Variants in KIF21A observed in about 807,000 individuals in gnomAD.
KIF21A encodes kinesin family member 21A.
KIF21A carries 114 observed loss-of-function variants against 202.9 expected under a neutral mutation model. The ratio of observed to expected loss-of-function variants is 0.56; its 90% confidence interval spans 0.48 to 0.66. KIF21A has a LOEUF of 0.66. Ranked by LOEUF, KIF21A falls within the 30% of genes least tolerant of loss-of-function variation. The pLI is 0.00. For missense variants in KIF21A, 1,677 were observed against 1,994.9 expected (o/e 0.84, Z 3.04); for synonymous variants, 667 against 670.8 (o/e 0.99, Z 0.09).
At chr12:39,332,472 A>ATCG in intron 20 of KIF21A, 64 bp from the exon 21 acceptor site, 1 of 1,338,188 alleles carries the variant, frequency 7.5e-7, no homozygotes, top group Non-Finnish European at 1.1e-6. Flanking sequence ...AGTACCATCA[A>ATCG]ACCCCCCCAC....
chr12:39,425,930 A>T lies in KIF21A; in HGVS notation c.44+16997T>A, dbSNP rs1954705591. Among the ~76,000 whole-genome samples, 4 of 150,694 alleles carry T rather than the reference A, an allele frequency of 2.7e-5. No homozygotes were observed. In the South Asian group the frequency reaches 8.4e-4, roughly 32 times the overall value. ...ACATCTAACAGAAGTAAGATTAGAA[A>T]CTAAAAAAAAAAAAAAAAAAAAATG... On this transcript the variant is annotated intron_variant, in intron 1 of 37. Coordinates refer to ENST00000361418, the MANE Select transcript of KIF21A (RefSeq NM_001173464.2).
intron 34 of KIF21A, among the ~76,000 whole-genome samples, chr12:39,305,196 T>C (rs1943338440): frequency 6.6e-6 from 1 of 151,490 alleles, no homozygotes; most frequent in African/African-American, 2.4e-5. Flanking sequence ...TGAAACCCCG[T>C]CTCTACTAAA....
intron 1 of KIF21A, among the ~76,000 whole-genome samples, chr12:39,411,788 C>T (rs565747688): frequency 3.3e-5 from 5 of 152,254 alleles, no homozygotes; most frequent in East Asian, 1.9e-4. Flanking sequence ...CCTCCCTCTT[C>T]GGCTTCTCGA....
intron 23 of KIF21A, 68 bp from the exon 24 acceptor site, chr12:39,330,330 A>G (rs187955306): frequency 7.2e-7 from 1 of 1,385,164 alleles, no homozygotes; most frequent in East Asian, 2.3e-5. Flanking sequence ...AATGTTAAAA[A>G]CTCCCACATA....
intron 10 of KIF21A, among the ~76,000 whole-genome samples, chr12:39,354,337 A>G (rs12228767): frequency 0.34 from 50,998 of 151,996 alleles, 10,701 homozygotes; most frequent in African/African-American, 0.59. Context: ...AGATAGCAAA[A>G]CAAAATATAC....
intron 1 of KIF21A, among the ~76,000 whole-genome samples, chr12:39,384,297 C>T (rs1347110387): frequency 2.0e-5 from 3 of 152,022 alleles, no homozygotes; most frequent in Non-Finnish European, 2.9e-5. Context: ...TCTGTAAAGA[C>T]AGAATAGAAT....
intron 24 of KIF21A, among the ~76,000 whole-genome samples, chr12:39,327,627 T>TTA (rs1197236267): frequency 6.6e-6 from 1 of 152,226 alleles, no homozygotes; most frequent in African/African-American, 2.4e-5. Context: ...TAACTCCTGC[T>TTA]TATGCCTGTA....
intron 1 of KIF21A, among the ~76,000 whole-genome samples, chr12:39,423,160 T>C (rs1954441115): frequency 6.6e-6 from 1 of 152,204 alleles, no homozygotes; most frequent in Non-Finnish European, 1.5e-5. Flanking sequence ...ACCCTCAACC[T>C]AAAACTTAAC....
intron 22 of KIF21A, among the ~76,000 whole-genome samples, chr12:39,331,343 G>A (rs1946487286): frequency 1.3e-5 from 2 of 152,014 alleles, no homozygotes. Context: ...TTTCTGATTT[G>A]CTTTTGATCT....
chr12:39,303,311 A>G (rs1943143412), intron 35 of KIF21A, among the ~76,000 whole-genome samples, 176 bp from the exon 36 acceptor site: 1 of 152,034 alleles, frequency 6.6e-6, no homozygotes, highest in African/African-American at 2.4e-5. Flanking sequence ...TTATTTTGAG[A>G]TAAGGTCTCA....
At chr12:39,329,489 A>AAAG (rs1946304433) in intron 24 of KIF21A, among the ~76,000 whole-genome samples, 1 of 151,128 alleles carries the variant, frequency 6.6e-6, no homozygotes, top group African/African-American at 2.4e-5. Context: ...GGAGAAAGAT[A>AAAG]AAGAAGAAGA....
At chr12:39,428,952 G>A (rs972833678) in intron 1 of KIF21A, among the ~76,000 whole-genome samples, 107 of 141,308 alleles carry the variant, frequency 7.6e-4, no homozygotes, top group African/African-American at 2.3e-3. Flanking sequence ...GAGAGACTCC[G>A]TCTCAAAAAA....
At chr12:39,408,817 T>G (rs943658827) in intron 1 of KIF21A, among the ~76,000 whole-genome samples, 18 of 78,146 alleles carry the variant, frequency 2.3e-4, no homozygotes, top group East Asian at 5.3e-4. Context: ...CTTTTGTTGG[T>G]TTTTTTTTGT....
intron 31 of KIF21A, among the ~76,000 whole-genome samples, chr12:39,314,075 A>G (rs749872070): frequency 1.2e-3 from 175 of 151,942 alleles, no homozygotes; most frequent in Admixed American, 2.2e-3. Context: ...AGGGAAAAAA[A>G]GGGCTGATGA....
intron 1 of KIF21A, among the ~76,000 whole-genome samples, chr12:39,430,213 A>C (rs1937668507): frequency 2.0e-5 from 3 of 151,902 alleles, no homozygotes; most frequent in Admixed American, 6.6e-5. Flanking sequence ...ACCTTAAAAA[A>C]ATAAAAACGT....
chr12:39,391,430 G>A (rs970312060), intron 1 of KIF21A, among the ~76,000 whole-genome samples: 1 of 152,036 alleles, frequency 6.6e-6, no homozygotes, highest in Non-Finnish European at 1.5e-5. Flanking sequence ...GGTGTATACA[G>A]AGGAGGTTTA....
chr12:39,419,338 A>G (rs1954047609), intron 1 of KIF21A, among the ~76,000 whole-genome samples: 1 of 152,182 alleles, frequency 6.6e-6, no homozygotes, highest in South Asian at 2.1e-4. Flanking sequence ...ATTTGCCTAA[A>G]GTTAACTTAT....
intron 1 of KIF21A, among the ~76,000 whole-genome samples, chr12:39,389,551 C>A (rs1951196496): frequency 6.6e-6 from 1 of 152,104 alleles, no homozygotes; most frequent in South Asian, 2.1e-4. Context: ...GTCCATAATA[C>A]CCAAAAACCA....
chr12:39,441,300 A>G (rs1939541927), intron 1 of KIF21A, among the ~76,000 whole-genome samples: 1 of 152,118 alleles, frequency 6.6e-6, no homozygotes, highest in African/African-American at 2.4e-5. Context: ...ATGGTCAACA[A>G]ACTGCCTTGT....
Sources: allele counts gnomAD v4.1 joint callset (sites outside exome capture counted in the v4.1 genomes callset), GRCh38; gene constraint gnomAD v4.1.1; transcripts MANE v1.5; gene names NCBI Gene and HGNC (gene_info 2026-07-23, HGNC 2026-07-21).